Variants in FRMD6 observed in about 807,000 individuals in gnomAD.
FRMD6 encodes the protein FERM domain containing 6.
In FRMD6, 37 loss-of-function variants were observed where a neutral mutation model predicts 73.2. The observed-to-expected ratio is 0.51, with a 90% CI of 0.39 to 0.66. FRMD6 has a LOEUF of 0.66. Among genes scored for constraint, FRMD6 ranks in the 30% least tolerant of loss-of-function variants. The pLI is 0.00. For synonymous variants in FRMD6, 273 were observed against 282.2 expected (o/e 0.97, Z 0.33); for missense variants, 714 against 780.5 (o/e 0.91, Z 1.02).
At chr14:51,666,358 T>G (rs886076765) in intron 1 of FRMD6, among the ~76,000 whole-genome samples, 1 of 152,246 alleles carries the variant, frequency 6.6e-6, no homozygotes, top group East Asian at 1.9e-4. Context: ...TCTTATCTTT[T>G]TATTCATTTG....
chr14:51,582,258 T>C (rs766082763), intron 2 of FRMD6, among the ~76,000 whole-genome samples: 3 of 152,204 alleles, frequency 2.0e-5, no homozygotes, highest in Non-Finnish European at 4.4e-5. Context: ...TGCTTTGTTT[T>C]TGAGATGTGT....
chr14:51,439,856 G>A, the FRMD6 span, among the ~76,000 whole-genome samples: 1 of 152,150 alleles, frequency 6.6e-6, no homozygotes, highest in Non-Finnish European at 1.5e-5. Context: ...ACCAGAGTAG[G>A]AATGTCTTCC....
intron 1 of FRMD6, among the ~76,000 whole-genome samples, chr14:51,504,023 T>G (rs897651618): frequency 6.6e-6 from 1 of 152,072 alleles, no homozygotes; most frequent in Admixed American, 6.5e-5. Context: ...GTCATAGAGG[T>G]GTTTATAGTA....
chr14:51,468,343 A>G, the FRMD6 span, among the ~76,000 whole-genome samples: 3 of 149,774 alleles, frequency 2.0e-5, no homozygotes, highest in South Asian at 2.1e-4. Context: ...GAGGGAGCAG[A>G]TTTATTCCTA....
chr14:51,610,338 T>TAA (rs5808625), intron 2 of FRMD6, among the ~76,000 whole-genome samples: 88 of 142,370 alleles, frequency 6.2e-4, no homozygotes, highest in African/African-American at 1.7e-3. Flanking sequence ...CCTTTTTTTT[T>TAA]AAAAAAAAAA....
the FRMD6 span, chr14:51,454,402 C>G: frequency 6.6e-6 from 1 of 152,182 alleles, no homozygotes; most frequent in Admixed American, 6.5e-5. Context: ...TCCTTCTTGC[C>G]TTTCCTATGA....
chr14:51,532,286 G>A (rs998809212), intron 1 of FRMD6, among the ~76,000 whole-genome samples: 3 of 151,104 alleles, frequency 2.0e-5, no homozygotes, highest in Non-Finnish European at 4.4e-5. Flanking sequence ...GGAGAATGGC[G>A]TGAACCCAGG....
chr14:51,398,038 T>C, the FRMD6 span, among the ~76,000 whole-genome samples: 3 of 152,128 alleles, frequency 2.0e-5, no homozygotes, highest in Non-Finnish European at 4.4e-5. Flanking sequence ...TTTAGAAACA[T>C]AGACAACAAT....
At chr14:51,674,553 C>T (rs1173319882) in intron 1 of FRMD6, among the ~76,000 whole-genome samples, 1 of 152,048 alleles carries the variant, frequency 6.6e-6, no homozygotes, top group Admixed American at 6.6e-5. Context: ...AAAAGCAGTG[C>T]TGAGCAGAGG....
At chr14:51,562,053 T>A (rs1335258645) in intron 1 of FRMD6, among the ~76,000 whole-genome samples, 1 of 152,220 alleles carries the variant, frequency 6.6e-6, no homozygotes, top group Non-Finnish European at 1.5e-5. Flanking sequence ...CTTTTTTATC[T>A]GCCTTTTAGG....
At chr14:51,502,358 C>T (rs1291928606) in intron 1 of FRMD6, among the ~76,000 whole-genome samples, 1 of 152,112 alleles carries the variant, frequency 6.6e-6, no homozygotes, top group African/African-American at 2.4e-5. Context: ...TTTATTCCAT[C>T]TTGAGTTAGT....
intron 1 of FRMD6, among the ~76,000 whole-genome samples, chr14:51,532,368 C>CAA (rs35803305): frequency 8.5e-6 from 1 of 117,810 alleles, no homozygotes; most frequent in Non-Finnish European, 1.9e-5. Flanking sequence ...GACTCCATCT[C>CAA]AAAAAAAAAA....
the FRMD6 span, among the ~76,000 whole-genome samples, chr14:51,412,744 C>T: frequency 6.6e-6 from 1 of 151,358 alleles, no homozygotes; most frequent in Non-Finnish European, 1.5e-5. Flanking sequence ...CCCAGCTACT[C>T]AGGAGGCTGA....
chr14:51,727,346 C>A (rs750132584), intron 13 of FRMD6, among the ~76,000 whole-genome samples: 14 of 151,408 alleles, frequency 9.2e-5, no homozygotes, highest in Non-Finnish European at 1.6e-4. Context: ...ACCTATATGA[C>A]CTTATTTCAA....
intron 6 of FRMD6, among the ~76,000 whole-genome samples, chr14:51,706,136 C>G (rs1240343939): frequency 6.6e-6 from 1 of 152,090 alleles, no homozygotes; most frequent in African/African-American, 2.4e-5. Context: ...ATCACCATTC[C>G]TTCTCCCTGT....
At chr14:51,622,153 T>C (rs866015714) in intron 2 of FRMD6, among the ~76,000 whole-genome samples, 1 of 152,170 alleles carries the variant, frequency 6.6e-6, no homozygotes. Flanking sequence ...CTAAGACTTG[T>C]AGGATGTTGT....
intron 1 of FRMD6, among the ~76,000 whole-genome samples, chr14:51,671,696 T>G (rs989284702): frequency 6.6e-6 from 1 of 152,164 alleles, no homozygotes; most frequent in Admixed American, 6.5e-5. Flanking sequence ...AGAAAAAGTT[T>G]ATGGGGACAG....
chr14:51,594,591 A>G (rs186182243), intron 2 of FRMD6, among the ~76,000 whole-genome samples: 1 of 151,694 alleles, frequency 6.6e-6, no homozygotes, highest in East Asian at 2.0e-4. Flanking sequence ...GGCCTCCCAA[A>G]GTGCTGAGAT....
At chr14:51,709,212 G>A (rs921718455) in intron 7 of FRMD6, among the ~76,000 whole-genome samples, 2 of 152,116 alleles carry the variant, frequency 1.3e-5, no homozygotes, top group African/African-American at 4.8e-5. Flanking sequence ...ATCTCAGTTT[G>A]GCCTCTTACT....
Sources: gnomAD v4.1 joint callset for allele counts (sites outside exome capture counted in the v4.1 genomes callset) on GRCh38, gnomAD v4.1.1 for gene constraint, MANE v1.5 for transcripts, NCBI Gene and HGNC (gene_info 2026-07-23, HGNC 2026-07-21) for gene names.